The following PPM1E variants were observed in gnomAD, a reference collection of about 807,000 sequenced individuals.
The protein encoded by PPM1E is protein phosphatase, Mg2+/Mn2+ dependent 1E, also known as protein phosphatase 1E.
Under a neutral mutation model 65.9 loss-of-function variants are expected in PPM1E, and 20 were observed. The observed-to-expected ratio is 0.30, with a 90% CI of 0.21 to 0.44. The LOEUF (loss-of-function observed/expected upper bound fraction) is 0.44, where lower values mean the gene tolerates loss of function less well. Among genes scored for constraint, PPM1E ranks in the 20% least tolerant of loss-of-function variants. The probability of loss-of-function intolerance (pLI) is 1.00; values close to 1 mark genes in which losing one functional copy is unlikely to be tolerated. For missense variants in PPM1E, 713 were observed against 953.1 expected (o/e 0.75, Z 3.32); for synonymous variants, 352 against 374.9 (o/e 0.94, Z 0.70).
At chr17:58,776,751 ATC>A (rs934784434) in intron 1 of PPM1E, among the ~76,000 whole-genome samples, 1 of 152,250 alleles carries the variant, frequency 6.6e-6, no homozygotes, top group African/African-American at 2.4e-5. Context: ...TTAAAAATTA[ATC>A]TGTTTCTTCA....
chr17:58,822,855 A>T (rs769471350), intron 1 of PPM1E, among the ~76,000 whole-genome samples: 1 of 152,200 alleles, frequency 6.6e-6, no homozygotes, highest in Non-Finnish European at 1.5e-5. Context: ...TTGCTGTTGG[A>T]GAGAGAATAG....
intron 1 of PPM1E, among the ~76,000 whole-genome samples, chr17:58,761,317 A>G (rs1022936969): frequency 3.9e-5 from 6 of 152,120 alleles, no homozygotes; most frequent in African/African-American, 1.4e-4. Context: ...CTTAGAGGTT[A>G]CCTCCCAGGA....
chr17:58,926,509 G>A (rs1377261144), intron 1 of PPM1E, among the ~76,000 whole-genome samples: 1 of 152,048 alleles, frequency 6.6e-6, no homozygotes, highest in East Asian at 1.9e-4. Context: ...GTGTGCGTGT[G>A]TGTGTATGTG....
rs756935591 is a variant in PPM1E, at chr17:58,980,730, A to G, written c.1967A>G (p.Gln656Arg). The change falls in exon 7 of 7, where the codon CAG (glutamine) becomes CGG (arginine). Residue 656 changes from glutamine (Q) to arginine (R), a missense_variant. Transcript: ENST00000308249. The surrounding 1 kb of genome is among the most constrained non-coding windows in gnomAD (Gnocchi z 4.7). Reference sequence around the variant, plus strand: ...GTCTGTTCAGGGTTGGAAAATGAACAGTTCAAATCCCCGGGAAACAGAGTT... The same window carrying G: ...GTCTGTTCAGGGTTGGAAAATGAACGGTTCAAATCCCCGGGAAACAGAGTT... ...SPVCSGLENE[Q>R]FKSPGNRVSR... 2.5e-6 allele frequency: 4 copies of G among 1,614,104 alleles called. No individual in the cohort carries two copies. The highest frequency in any genetic ancestry group is 3.4e-6 in the Non-Finnish European group (4 of 1,180,036).
chr17:58,869,699 A>G (rs1441196540), intron 1 of PPM1E, among the ~76,000 whole-genome samples: 2 of 152,194 alleles, frequency 1.3e-5, no homozygotes, highest in Non-Finnish European at 2.9e-5. Flanking sequence ...CAACACAAAG[A>G]CAGACTAAGA....
intron 1 of PPM1E, among the ~76,000 whole-genome samples, chr17:58,843,511 C>T (rs1311491427): frequency 6.6e-6 from 1 of 150,850 alleles, no homozygotes; most frequent in Non-Finnish European, 1.5e-5. Flanking sequence ...AAGATCCTGT[C>T]TAAAAAAAAT....
At chr17:58,886,009 T>G (rs2051262048) in intron 1 of PPM1E, among the ~76,000 whole-genome samples, 1 of 152,316 alleles carries the variant, frequency 6.6e-6, no homozygotes, top group East Asian at 1.9e-4. Context: ...TGAATTGGCT[T>G]TCTTCTCACC....
intron 1 of PPM1E, among the ~76,000 whole-genome samples, chr17:58,768,154 G>T (rs1314501879): frequency 6.6e-6 from 1 of 152,092 alleles, no homozygotes; most frequent in African/African-American, 2.4e-5. Flanking sequence ...GTTTCACCAT[G>T]TTGGCCAGGC....
chr17:58,823,995 G>A (rs1244229372), intron 1 of PPM1E, among the ~76,000 whole-genome samples: 1 of 152,088 alleles, frequency 6.6e-6, no homozygotes, highest in Admixed American at 6.6e-5. Context: ...CTCCCAAAGT[G>A]CTGGAATTAC....
chr17:58,953,984 T>C (rs1000806530), intron 1 of PPM1E, among the ~76,000 whole-genome samples: 1 of 152,242 alleles, frequency 6.6e-6, no homozygotes, highest in Non-Finnish European at 1.5e-5. Context: ...GATCTCATGA[T>C]CCACCCGCCT....
At chr17:58,851,409 G>GT (rs1441880194) in intron 1 of PPM1E, among the ~76,000 whole-genome samples, 5 of 152,176 alleles carry the variant, frequency 3.3e-5, no homozygotes, top group Non-Finnish European at 5.9e-5. Context: ...CATCTTTGTG[G>GT]TTTTTTCTAC....
At chr17:58,855,570 C>G (rs2050873808) in intron 1 of PPM1E, among the ~76,000 whole-genome samples, 1 of 152,064 alleles carries the variant, frequency 6.6e-6, no homozygotes, top group African/African-American at 2.4e-5. Context: ...GGCAAAAACA[C>G]AGTTTGAAGA....
At chr17:58,772,911 T>C (rs1056894582) in intron 1 of PPM1E, among the ~76,000 whole-genome samples, 2 of 152,004 alleles carry the variant, frequency 1.3e-5, no homozygotes, top group Admixed American at 1.3e-4. Context: ...TCTTCCGCCC[T>C]GTAGTTTGTT....
chr17:58,821,660 G>A (rs2050481848), intron 1 of PPM1E, among the ~76,000 whole-genome samples: 1 of 152,176 alleles, frequency 6.6e-6, no homozygotes, highest in Non-Finnish European at 1.5e-5. Flanking sequence ...GCGGATACTG[G>A]TTAGCAAGGA....
chr17:58,794,898 T>C (rs1194553927), intron 1 of PPM1E, among the ~76,000 whole-genome samples: 1 of 151,062 alleles, frequency 6.6e-6, no homozygotes, highest in East Asian at 1.9e-4. Flanking sequence ...CTTTTTTTTT[T>C]TTTTTTTTGA....
rs929341232 is a variant in PPM1E, at chr17:58,889,467, C to T, written c.465-66182C>T. ...TACAAAAAATAACTGGGCGTGGTGG[C>T]ACATGCTTGTAATCCCAGCTACTTG... On this transcript the variant is annotated intron_variant, in intron 1 of 6. Coordinates refer to ENST00000308249, the MANE Select transcript of PPM1E (RefSeq NM_014906.5). Among the ~76,000 whole-genome samples, 3 of 152,196 alleles carry T rather than the reference C, an allele frequency of 2.0e-5. No homozygotes were observed. The South Asian group carries it at 6.2e-4, about 32-fold the overall frequency.
intron 1 of PPM1E, among the ~76,000 whole-genome samples, chr17:58,954,027 A>G (rs2052279702): frequency 6.6e-6 from 1 of 152,220 alleles, no homozygotes; most frequent in Admixed American, 6.5e-5. Flanking sequence ...TGCAGGCATG[A>G]GCCACCATGC....
At chr17:58,880,607 A>AGTTTGTTTGTTT (rs71367640) in intron 1 of PPM1E, among the ~76,000 whole-genome samples, 1 of 150,764 alleles carries the variant, frequency 6.6e-6, no homozygotes, top group Non-Finnish European at 1.5e-5. Context: ...GTTGTGAAAG[A>AGTTTGTTTGTTT]GTTTGTTTGT....
At chr17:58,804,787 G>A (rs533680586) in intron 1 of PPM1E, among the ~76,000 whole-genome samples, 7 of 151,358 alleles carry the variant, frequency 4.6e-5, no homozygotes, top group Non-Finnish European at 8.8e-5. Flanking sequence ...TTATTTAATG[G>A]GGTACATGTC....
Sources: gnomAD v4.1 joint callset for allele counts (sites outside exome capture counted in the v4.1 genomes callset) on GRCh38, gnomAD v4.1.1 for gene constraint, Gnocchi (gnomAD v3.1) non-coding constraint, MANE v1.5 for transcripts, NCBI Gene and HGNC (gene_info 2026-07-23, HGNC 2026-07-21) for gene names.